KDM4C: variants seen among roughly 807,000 people sequenced by gnomAD.
KDM4C encodes the protein lysine-specific demethylase 4C.
In KDM4C, 81 loss-of-function variants were observed where a neutral mutation model predicts 129.3. The ratio of observed to expected loss-of-function variants is 0.63; its 90% confidence interval spans 0.52 to 0.75. The LOEUF (loss-of-function observed/expected upper bound fraction) is 0.75. KDM4C is among the 30% of genes least tolerant of loss of function. KDM4C has a pLI of 0.00. For synonymous variants in KDM4C, 573 were observed against 456.1 expected (o/e 1.26, Z -3.26); for missense variants, 1,457 against 1,304.0 (o/e 1.12, Z -1.81).
At chr9:6,937,713 A>T (rs970621693) in intron 8 of KDM4C, among the ~76,000 whole-genome samples, 3 of 151,864 alleles carry the variant, frequency 2.0e-5, no homozygotes, top group Non-Finnish European at 2.9e-5. Context: ...TTTATATTTA[A>T]TTTAATTTAA....
chr9:6,939,960 A>AT (rs199815432), intron 8 of KDM4C, among the ~76,000 whole-genome samples: 1,610 of 74,346 alleles, frequency 0.022, 15 homozygotes, highest in South Asian at 0.044. Flanking sequence ...CCAATAACCA[A>AT]CCTACCTACC....
intron 17 of KDM4C, among the ~76,000 whole-genome samples, chr9:7,069,827 G>A (rs565732557): frequency 2.6e-5 from 4 of 152,296 alleles, no homozygotes; most frequent in African/African-American, 7.2e-5. Flanking sequence ...AAAATAAAGT[G>A]TGTGACAATT....
At chr9:7,037,415 A>T (rs73639911) in intron 15 of KDM4C, among the ~76,000 whole-genome samples, 425 of 152,282 alleles carry the variant, frequency 2.8e-3, no homozygotes, top group African/African-American at 9.6e-3. Context: ...CAAATAATGA[A>T]CAACTGTGAC....
At chr9:6,752,249 C>T (rs529523732) in intron 1 of KDM4C, among the ~76,000 whole-genome samples, 79 of 130,966 alleles carry the variant, frequency 6.0e-4, no homozygotes, top group African/African-American at 2.1e-3. Flanking sequence ...AGGAGAATGG[C>T]GTGAACCCGG....
At chr9:7,106,117 C>A (rs1837655088) in intron 18 of KDM4C, among the ~76,000 whole-genome samples, 1 of 152,164 alleles carries the variant, frequency 6.6e-6, no homozygotes, top group East Asian at 1.9e-4. Flanking sequence ...CATTCTTCTT[C>A]CATTCGACTC....
At chr9:6,814,835 G>A in intron 4 of KDM4C, 90 bp downstream of exon 4, 2 of 663,524 alleles carry the variant, frequency 3.0e-6, no homozygotes, top group Non-Finnish European at 5.0e-6. Context: ...TTCTTTTGTT[G>A]TGCTTTTGGG....
intron 8 of KDM4C, among the ~76,000 whole-genome samples, chr9:6,896,435 C>T (rs1435881838): frequency 1.3e-5 from 2 of 151,356 alleles, no homozygotes; most frequent in South Asian, 2.1e-4. Context: ...GGTCTGCATA[C>T]ATTATATGTG....
intron 17 of KDM4C, among the ~76,000 whole-genome samples, chr9:7,068,067 A>T (rs1832689319): frequency 6.6e-6 from 1 of 152,158 alleles, no homozygotes. Flanking sequence ...AAGTGCTGGG[A>T]TTACAGGCGT....
At chr9:6,924,885 G>C (rs758254338) in intron 8 of KDM4C, 62 of 984,398 alleles carry the variant, frequency 6.3e-5, no homozygotes, top group Non-Finnish European at 7.1e-5. Context: ...TATTTGGGGT[G>C]GTGGAGCATT....
chr9:7,168,581 A>G (rs1844638743), intron 20 of KDM4C, among the ~76,000 whole-genome samples: 2 of 152,186 alleles, frequency 1.3e-5, no homozygotes, highest in Non-Finnish European at 2.9e-5. Flanking sequence ...TTAGTGCGAG[A>G]AAAGTTTTAA....
intron 1 of KDM4C, among the ~76,000 whole-genome samples, chr9:6,747,142 AAG>A (rs1817908763): frequency 6.6e-6 from 1 of 151,898 alleles, no homozygotes; most frequent in Admixed American, 6.6e-5. Context: ...GCCATGAGCC[AAG>A]ATCACTCCAC....
At chr9:6,886,724 C>T (rs943976738) in intron 6 of KDM4C, among the ~76,000 whole-genome samples, 1 of 152,030 alleles carries the variant, frequency 6.6e-6, no homozygotes, top group African/African-American at 2.4e-5. Flanking sequence ...GAACTCCTGA[C>T]CTTGTGGACC....
intron 1 of KDM4C, among the ~76,000 whole-genome samples, chr9:6,721,531 G>A (rs999335220): frequency 2.2e-4 from 33 of 150,098 alleles, no homozygotes; most frequent in African/African-American, 5.4e-4. Context: ...CGACCTACCC[G>A]TCTCGGCCTC....
intron 19 of KDM4C, among the ~76,000 whole-genome samples, chr9:7,152,118 G>C (rs1842784481): frequency 6.6e-6 from 1 of 152,214 alleles, no homozygotes; most frequent in Admixed American, 6.5e-5. Context: ...GTCTGATGTT[G>C]AATTTTTCAA....
chr9:7,170,016 C>T (rs1178633321), intron 21 of KDM4C, 126 bp downstream of exon 21: 1 of 1,549,884 alleles, frequency 6.5e-7, no homozygotes, highest in East Asian at 2.4e-5. Flanking sequence ...GCCAATGCAA[C>T]ATTTTCCTTA....
Position 7,011,817 on chromosome 9 carries a change from G to T in KDM4C, c.1906G>T (p.Ala636Ser). 1.2e-6 allele frequency: 2 copies of T among 1,614,106 alleles called. No homozygotes were observed. Among genetic ancestry groups the T allele is most frequent in the Non-Finnish European group, 8.5e-7 (1 of 1,179,988 alleles). Residue 636 changes from alanine (A) to serine (S), a missense_variant, in exon 13 of 22, where the codon GCA becomes TCA. Physicochemically the swap from Ala to Ser is moderately conservative, Grantham distance 99. Transcript: ENST00000381309. ...CTTCGCAGCTGAGCAAGAGTATAAT[G>T]CAACAGTGGCCAGGATGAAGCCACA... ...PNFAAEQEYNATVARMKPHCA... is the reference protein window; with the variant it reads ...PNFAAEQEYNSTVARMKPHCA...
chr9:7,157,697 A>T (rs186314344), intron 19 of KDM4C, among the ~76,000 whole-genome samples: 169 of 152,314 alleles, frequency 1.1e-3, no homozygotes, highest in African/African-American at 3.8e-3. Context: ...CATCCCAGGG[A>T]TGAAGCCAAC....
At chr9:6,914,162 C>T (rs772392563) in intron 8 of KDM4C, among the ~76,000 whole-genome samples, 16 of 152,292 alleles carry the variant, frequency 1.1e-4, no homozygotes, top group Middle Eastern at 3.4e-3. Flanking sequence ...CAGGTTCAAG[C>T]GATTCTCCTG....
At position 7,096,960 on chromosome 9, in the gene KDM4C, C is replaced by T. The variant is rs1176438655; in HGVS notation, c.2425-6725C>T. ...AGTACAGTCCAAGGCCTTTCAGGAT[C>T]CCACCTTTTCAGCCTGCCATCCCTT... is the stretch of plus-strand genomic sequence containing the variant. On this transcript the variant is annotated intron_variant, in intron 17 of 21. Transcript: ENST00000381309. 2.6e-5 allele frequency among the ~76,000 whole-genome samples: 4 copies of T among 152,192 alleles called. No individual in the cohort carries two copies. The East Asian group carries it at 5.8e-4, about 22-fold the overall frequency.
Sources: gnomAD v4.1 joint callset for allele counts (sites outside exome capture counted in the v4.1 genomes callset) on GRCh38, gnomAD v4.1.1 for gene constraint, MANE v1.5 for transcripts, NCBI Gene and HGNC (gene_info 2026-07-23, HGNC 2026-07-21) for gene names.